The following PRKG1 variants were observed in gnomAD, a reference collection of about 807,000 sequenced individuals.
The protein encoded by PRKG1 is cGMP-dependent protein kinase 1.
PRKG1 carries 35 observed loss-of-function variants against 88.1 expected under a neutral mutation model. The observed-to-expected ratio is 0.40, with a 90% CI of 0.30 to 0.53. PRKG1 has a LOEUF of 0.53. Ranked by LOEUF, PRKG1 falls within the 20% of genes least tolerant of loss-of-function variation. The pLI, the probability that PRKG1 is intolerant of heterozygous loss-of-function variation, is 0.59. For synonymous variants in PRKG1, 303 were observed against 292.5 expected (o/e 1.04, Z -0.37); for missense variants, 540 against 839.8 (o/e 0.64, Z 4.41).
intron 2 of PRKG1, among the ~76,000 whole-genome samples, chr10:51,462,154 T>C (rs1564507747): frequency 6.6e-6 from 1 of 152,140 alleles, no homozygotes; most frequent in East Asian, 1.9e-4. Context: ...TCAAACAGAT[T>C]ACAGAAGGAA....
At chr10:52,241,190 G>A (rs567432004) in intron 9 of PRKG1, among the ~76,000 whole-genome samples, 5 of 152,242 alleles carry the variant, frequency 3.3e-5, no homozygotes, top group Non-Finnish European at 7.4e-5. Context: ...GGAGTTGAAA[G>A]CAGGACTCCA....
intron 7 of PRKG1, among the ~76,000 whole-genome samples, chr10:52,103,803 T>G (rs1847351804): frequency 6.6e-6 from 1 of 151,926 alleles, no homozygotes; most frequent in African/African-American, 2.4e-5. Flanking sequence ...AAAGCCTCAT[T>G]GTTTTCTTTG....
At chr10:51,731,922 T>A (rs897730881) in intron 3 of PRKG1, among the ~76,000 whole-genome samples, 1 of 152,210 alleles carries the variant, frequency 6.6e-6, no homozygotes, top group African/African-American at 2.4e-5. Flanking sequence ...CCCTTCTTGC[T>A]GTGTCCTTAC....
chr10:51,453,863 A>G (rs1273803651), intron 2 of PRKG1, among the ~76,000 whole-genome samples: 1 of 152,032 alleles, frequency 6.6e-6, no homozygotes, highest in Non-Finnish European at 1.5e-5. Flanking sequence ...GACTCATCCA[A>G]AAAGCCCTGG....
At chr10:51,046,605 G>A (rs142075420) in intron 1 of PRKG1, among the ~76,000 whole-genome samples, 1 of 152,136 alleles carries the variant, frequency 6.6e-6, no homozygotes, top group South Asian at 2.1e-4. Flanking sequence ...GCAGAGAGAC[G>A]ACAGGTCTTA....
At chr10:51,093,472 C>A (rs974599943) in intron 1 of PRKG1, among the ~76,000 whole-genome samples, 3 of 152,050 alleles carry the variant, frequency 2.0e-5, no homozygotes, top group Admixed American at 6.6e-5. Flanking sequence ...CCCTCCTTTT[C>A]AAGGCTGATC....
rs1474252913 is a variant in PRKG1 at position 51,648,228 on chromosome 10, T to C, written c.593-156357T>C. On this transcript the variant is annotated intron_variant, in intron 3 of 17. Coordinates refer to ENST00000373980, the MANE Select transcript of PRKG1 (RefSeq NM_006258.4). ...GATAAGTCATACAAAAATCTAACAC[T>C]TAGAAAGTTTTAAGTCTTGATAATG... 6.6e-5 allele frequency among the ~76,000 whole-genome samples: 10 copies of C among 152,168 alleles called. 1 individual carries two copies. In the South Asian group the frequency reaches 2.1e-3, roughly 31 times the overall value.
At chr10:52,017,048 G>A (rs1391796626) in intron 5 of PRKG1, among the ~76,000 whole-genome samples, 1 of 151,982 alleles carries the variant, frequency 6.6e-6, no homozygotes, top group East Asian at 1.9e-4. Flanking sequence ...GTTTGTCTGA[G>A]GAACAAAAAG....
intron 3 of PRKG1, among the ~76,000 whole-genome samples, chr10:51,578,961 T>C (rs1461359087): frequency 6.6e-6 from 1 of 150,446 alleles, no homozygotes; most frequent in Non-Finnish European, 1.5e-5. Context: ...TCCAGAAGAG[T>C]TTGGAATAAG....
At chr10:51,823,006 T>C (rs1412106375) in intron 4 of PRKG1, among the ~76,000 whole-genome samples, 1 of 152,154 alleles carries the variant, frequency 6.6e-6, no homozygotes, top group Non-Finnish European at 1.5e-5. Context: ...AAGGTATTAT[T>C]TTCCTTTTCT....
At chr10:51,811,859 A>G (rs746982112) in intron 4 of PRKG1, among the ~76,000 whole-genome samples, 1 of 152,194 alleles carries the variant, frequency 6.6e-6, no homozygotes, top group Admixed American at 6.6e-5. Flanking sequence ...GGGCCAGAAA[A>G]TGTGCATTTT....
At chr10:51,825,179 C>T (rs1394270390) in intron 4 of PRKG1, among the ~76,000 whole-genome samples, 7 of 152,102 alleles carry the variant, frequency 4.6e-5, no homozygotes, top group Admixed American at 2.0e-4. Context: ...ATAGTTAAAA[C>T]TAATTGTGAG....
intron 5 of PRKG1, among the ~76,000 whole-genome samples, chr10:52,038,586 C>T (rs1001447254): frequency 1.3e-5 from 2 of 151,918 alleles, no homozygotes; most frequent in African/African-American, 4.8e-5. Flanking sequence ...ACTTGCCCCT[C>T]CCCCAGAAAA....
intron 7 of PRKG1, among the ~76,000 whole-genome samples, chr10:52,067,388 T>C (rs1846379849): frequency 6.6e-6 from 1 of 152,204 alleles, no homozygotes; most frequent in Non-Finnish European, 1.5e-5. Context: ...GAAATGAATA[T>C]ATGTTTGACC....
intron 2 of PRKG1, among the ~76,000 whole-genome samples, chr10:51,267,145 GT>G (rs972327966): frequency 1.3e-5 from 2 of 152,010 alleles, no homozygotes; most frequent in African/African-American, 4.8e-5. Context: ...ATTTTAATTA[GT>G]TTTTTTCTGT....
Position 51,049,213 on chromosome 10 carries a change from GA to G in PRKG1, c.266+57572del, listed in dbSNP as rs561447479. Among the ~76,000 whole-genome samples the G allele has an allele frequency of 1.5e-3, 231 of 152,274 alleles. 2 individuals carry two copies. The highest frequency in any genetic ancestry group is 5.5e-3 in the African/African-American group (229 of 41,558). On this transcript the variant is annotated intron_variant, in intron 1 of 17. Transcript: ENST00000401604. ...GCTGTGCTGAGTTTGAGCAGGTAGG[GA>G]AATGCTATTTTACCATGTGCCTAGG...
At chr10:51,864,546 A>G (rs1840967818) in intron 4 of PRKG1, among the ~76,000 whole-genome samples, 1 of 152,220 alleles carries the variant, frequency 6.6e-6, no homozygotes, top group South Asian at 2.1e-4. Context: ...TTCATGTTAA[A>G]ACATTTTTTA....
rs77789231 is a variant in PRKG1, at chr10:52,101,876, A to G, written c.936-31964A>G. Among the ~76,000 whole-genome samples the G allele has an allele frequency of 9.1e-3, 1,382 of 152,322 alleles. 29 individuals carry two copies. The highest frequency in any genetic ancestry group is 0.032 in the African/African-American group (1,317 of 41,562). On this transcript the variant is annotated intron_variant, in intron 7 of 17. Transcript: ENST00000373980. ...GATGATGGAAGCCCAAAATGTCCAC[A>G]AAGGACATTTATTAGTAAAGAAGAG...
intron 3 of PRKG1, among the ~76,000 whole-genome samples, chr10:51,612,493 T>C (rs1838937622): frequency 6.6e-6 from 1 of 152,082 alleles, no homozygotes; most frequent in Non-Finnish European, 1.5e-5. Context: ...TCTAGCAATT[T>C]TACTGAATTT....
Sources: gnomAD v4.1 joint callset for allele counts (sites outside exome capture counted in the v4.1 genomes callset) on GRCh38, gnomAD v4.1.1 for gene constraint, MANE v1.5 for transcripts, NCBI Gene and HGNC (gene_info 2026-07-23, HGNC 2026-07-21) for gene names.